Variants in SFSWAP observed in about 807,000 individuals in gnomAD.
SFSWAP encodes splicing factor, suppressor of white-apricot homolog.
In SFSWAP, 17 loss-of-function variants were observed where a neutral mutation model predicts 100.7. The ratio of observed to expected loss-of-function variants is 0.17; its 90% CI spans 0.12 to 0.25. SFSWAP has a LOEUF of 0.25. Among genes scored for constraint, SFSWAP ranks in the 10% least tolerant of loss-of-function variants. The probability of loss-of-function intolerance (pLI) is 1.00; values close to 1 mark genes in which losing one functional copy is unlikely to be tolerated. For synonymous variants in SFSWAP, 504 were observed against 510.1 expected (o/e 0.99, Z 0.16); for missense variants, 1,005 against 1,262.6 (o/e 0.80, Z 3.09).
rs143779892 is a variant in SFSWAP, at chr12:131,753,163, G to C, written c.1122G>C (p.Pro374=). The change falls in exon 8 of 18, where the codon CCG becomes CCC. Residue 374 remains proline (P), a synonymous_variant. Coordinates refer to ENST00000261674, the MANE Select transcript of SFSWAP (RefSeq NM_004592.4). ...TGTATTACAGCTACTACATGCTACC[G>C]GACGGCACTTACTGCCTGGCGCCGC... ...AAMYYSYYML[P]DGTYCLAPPP... is the part of the protein sequence containing the mutation. 4.3e-6 allele frequency: 7 copies of C among 1,614,094 alleles called. No homozygotes were observed. Among genetic ancestry groups the C allele is most frequent in the East Asian group, 2.2e-5 (1 of 44,884 alleles).
At chr12:131,779,300 AAGAGGGCG>A (rs1884307483) in intron 14 of SFSWAP, among the ~76,000 whole-genome samples, 3 of 151,584 alleles carry the variant, frequency 2.0e-5, no homozygotes, top group African/African-American at 7.3e-5. Context: ...GGTGTGTGTG[AAGAGGGCG>A]GCGCTGGTGC....
chr12:131,782,186 C>T (rs991260657), intron 14 of SFSWAP, among the ~76,000 whole-genome samples: 1 of 152,222 alleles, frequency 6.6e-6, no homozygotes, highest in Non-Finnish European at 1.5e-5. Flanking sequence ...CTCACCATAA[C>T]CTTTTCTTGT....
rs116367441 is a variant in SFSWAP, at chr12:131,779,076, A to G, written c.2408+746A>G. Among the ~76,000 whole-genome samples the G allele has an allele frequency of 6.6e-3, 977 of 148,956 alleles. 9 individuals are homozygous for G. Among genetic ancestry groups the G allele is most frequent in the African/African-American group, 0.017 (709 of 40,718 alleles). On this transcript the variant is annotated intron_variant, in intron 14 of 17. Transcript: ENST00000261674. The stretch of plus-strand genomic sequence containing the variant: ...TTTGGATTCTCTGCTCTGCACACGC[A>G]CTCACCGGCACCGCACTCTGCACAT...
intron 14 of SFSWAP, among the ~76,000 whole-genome samples, chr12:131,779,163 G>A (rs757301740): frequency 1.3e-4 from 16 of 121,750 alleles, no homozygotes; most frequent in Non-Finnish European, 2.6e-4. Flanking sequence ...TGTGTGCAGA[G>A]ATGCAGCGAC....
At chr12:131,795,379 C>T (rs1885554745) in intron 15 of SFSWAP, among the ~76,000 whole-genome samples, 1 of 152,182 alleles carries the variant, frequency 6.6e-6, no homozygotes, top group African/African-American at 2.4e-5. Context: ...CAAGGGAGCC[C>T]GGACAGAAAC....
In SFSWAP at chr12:131,730,406, C is replaced by T. The variant is rs575442571; in HGVS notation, c.1081+1978C>T. 4.1e-4 allele frequency among the ~76,000 whole-genome samples: 62 copies of T among 152,332 alleles called. No homozygotes were observed. Among genetic ancestry groups the T allele is most frequent in the African/African-American group, 1.3e-3 (56 of 41,568 alleles). On this transcript the variant is annotated intron_variant, in intron 7 of 17. Transcript: ENST00000261674. The surrounding 1 kb of genome is among the most constrained non-coding windows in gnomAD (Gnocchi z 4.0). ...AAAGCAGAGGACTAGAAATTCAGGG[C>T]GGGCTGACCTTGATTATTTGCTGTG... is the stretch of plus-strand genomic sequence containing the variant.
intron 7 of SFSWAP, among the ~76,000 whole-genome samples, chr12:131,752,003 C>A (rs1279139146): frequency 2.0e-5 from 3 of 152,146 alleles, no homozygotes; most frequent in African/African-American, 7.2e-5. Flanking sequence ...AGGAGTTCAT[C>A]ATGTATAATT....
intron 11 of SFSWAP, among the ~76,000 whole-genome samples, chr12:131,759,737 G>A (rs1425120465): frequency 6.6e-6 from 1 of 151,930 alleles, no homozygotes; most frequent in South Asian, 2.1e-4. Context: ...GGGAGGCGGA[G>A]CTTGCAGTGA....
At chr12:131,745,178 A>G (rs753347958) in intron 7 of SFSWAP, among the ~76,000 whole-genome samples, 1 of 152,158 alleles carries the variant, frequency 6.6e-6, no homozygotes, top group Non-Finnish European at 1.5e-5. Context: ...GGAAGATCAT[A>G]TTTTCTTAAA....
intron 11 of SFSWAP, among the ~76,000 whole-genome samples, chr12:131,762,163 G>A (rs1413204760): frequency 2.6e-5 from 4 of 152,074 alleles, no homozygotes. Flanking sequence ...AACCTGGGAG[G>A]CAGAAGTTGC....
In SFSWAP at chr12:131,755,440, G is replaced by A. The variant is rs748742338; in HGVS notation, c.1509G>A (p.Lys503=). 1 of 1,613,998 alleles carries A rather than the reference G, an allele frequency of 6.2e-7. No individual in the cohort carries two copies. The highest frequency in any genetic ancestry group is 2.2e-5 in the East Asian group (1 of 44,884). ...ATAATGCTTATTATGAGTTTAAGAA[G>A]CAGTTCTTCCTCCAGAAAGAAGGGG... ...HQYNAYYEFK[K]QFFLQKEGGD... The change falls in exon 10 of 18, where the codon AAG becomes AAA. Residue 503 remains lysine (K), a synonymous_variant. Transcript: ENST00000261674.
chr12:131,772,057 T>C (rs1883657924), intron 13 of SFSWAP, among the ~76,000 whole-genome samples: 1 of 152,200 alleles, frequency 6.6e-6, no homozygotes, highest in Non-Finnish European at 1.5e-5. Flanking sequence ...GGCCCTTTCT[T>C]TGTCTTATGC....
Position 131,785,516 on chromosome 12 carries a change from T to G in SFSWAP, c.2409-947T>G, listed in dbSNP as rs2078404194. 2.0e-5 allele frequency: 6 copies of G among 297,928 alleles called. 1 individual carries two copies. Among genetic ancestry groups the G allele is most frequent in the South Asian group, 1.6e-4 (3 of 18,934 alleles). 18.5% of individuals were successfully genotyped at this position (297,928 alleles called of 1,614,324 possible). On this transcript the variant is annotated intron_variant, in intron 14 of 17. Transcript: ENST00000261674. Reference sequence around the variant, plus strand: ...GGAAACAAAATGGAAATAAATGGTGTTTTTTTTCCAGATTTGTGCTCATTG... The same window carrying G: ...GGAAACAAAATGGAAATAAATGGTGGTTTTTTTCCAGATTTGTGCTCATTG...
At chr12:131,772,441 C>T (rs1229845398) in intron 13 of SFSWAP, among the ~76,000 whole-genome samples, 4 of 152,218 alleles carry the variant, frequency 2.6e-5, no homozygotes, top group African/African-American at 4.8e-5. Flanking sequence ...ATGCAAAAAT[C>T]ATGCATATAA....
At chr12:131,769,887 C>G (rs1313129399) in intron 13 of SFSWAP, among the ~76,000 whole-genome samples, 1 of 152,190 alleles carries the variant, frequency 6.6e-6, no homozygotes, top group African/African-American at 2.4e-5. Context: ...CCTCTCACCT[C>G]TCCTGTTTGC....
At position 131,799,553 on chromosome 12, in the gene SFSWAP, C is replaced by T. The variant is rs1052942746; in HGVS notation, c.*65C>T. On this transcript the variant is annotated 3_prime_UTR_variant, in exon 18 of 18. Transcript: ENST00000261674. Reference sequence around the variant, plus strand: ...CTTCTGGGCAGGCTCACGCAGACGCCGGCCACACCATCCACCTGGCCGCCT... The same window carrying T: ...CTTCTGGGCAGGCTCACGCAGACGCTGGCCACACCATCCACCTGGCCGCCT... 1.7e-5 allele frequency: 24 copies of T among 1,396,038 alleles called. No homozygotes were observed. The South Asian group carries it at 1.8e-4, about 10-fold the overall frequency. The allele number at this position is 1,396,038 out of a possible 1,614,324, so 86.5% of individuals were successfully genotyped here. A position where few individuals can be genotyped will look rare whatever the true frequency, so the allele number is the denominator to read the frequency against.
rs543401106 is a variant in SFSWAP, at chr12:131,752,895, C to T, written c.1082-228C>T. 1.2e-4 allele frequency among the ~76,000 whole-genome samples: 19 copies of T among 152,362 alleles called. 1 individual carries two copies. The East Asian group carries it at 2.7e-3, about 22-fold the overall frequency. On this transcript the variant is annotated intron_variant, in intron 7 of 17. Transcript: ENST00000261674. ...TGCCTTTGAATGTCCTCATGCCATT[C>T]GCTTTCCATCTGTCTTTGGATGCGT...
At chr12:131,785,140 G>T in intron 14 of SFSWAP, 1 of 1,535,748 alleles carries the variant, frequency 6.5e-7, no homozygotes, top group Non-Finnish European at 8.7e-7. Context: ...GACAGCGGCA[G>T]CCGAGCCAGG....
intron 13 of SFSWAP, among the ~76,000 whole-genome samples, chr12:131,767,024 G>A (rs1013143933): frequency 2.2e-5 from 3 of 135,344 alleles, no homozygotes; most frequent in Admixed American, 7.3e-5. Context: ...ATGCGTGTCC[G>A]AGACCAGAGG....
Sources: gnomAD v4.1 joint callset for allele counts (sites outside exome capture counted in the v4.1 genomes callset) on GRCh38, gnomAD v4.1.1 for gene constraint, Gnocchi (gnomAD v3.1) non-coding constraint, MANE v1.5 for transcripts, NCBI Gene and HGNC (gene_info 2026-07-23, HGNC 2026-07-21) for gene names.